The following SPAG9 variants were observed in gnomAD, a reference collection of about 807,000 sequenced individuals.
SPAG9 encodes the protein C-Jun-amino-terminal kinase-interacting protein 4.
Under a neutral mutation model 166.5 loss-of-function variants are expected in SPAG9, and 35 were observed. The observed-to-expected ratio is 0.21, with a 90% CI of 0.16 to 0.28. SPAG9 has a LOEUF of 0.28. Among genes scored for constraint, SPAG9 ranks in the 10% least tolerant of loss-of-function variants. The pLI is 1.00. For missense variants in SPAG9, 1,235 were observed against 1,603.3 expected, an observed-to-expected ratio of 0.77 and a Z score of 3.92; for synonymous variants, 534 against 565.5, an observed-to-expected ratio of 0.94 and a Z score of 0.79.
At chr17:51,007,139 GCA>G (rs2045259927) in intron 10 of SPAG9, 128 bp downstream of exon 10, 4 of 523,376 alleles carry the variant, frequency 7.6e-6, no homozygotes, top group East Asian at 3.3e-5. Context: ...GTGTGTGTGT[GCA>G]CACTCAGAGT....
chr17:51,094,435 G>A (rs2048556523), intron 1 of SPAG9, among the ~76,000 whole-genome samples: 1 of 152,146 alleles, frequency 6.6e-6, no homozygotes, highest in Non-Finnish European at 1.5e-5. Flanking sequence ...AACCAGAATA[G>A]TATGCTATTT....
intron 8 of SPAG9, among the ~76,000 whole-genome samples, chr17:51,017,534 G>A: frequency 6.6e-6 from 1 of 152,016 alleles, no homozygotes; most frequent in South Asian, 2.1e-4. Flanking sequence ...GAGAGAGAGA[G>A]AGAGAGAGAG....
chr17:50,967,111 C>G (rs944070734), intron 29 of SPAG9, among the ~76,000 whole-genome samples: 1 of 152,200 alleles, frequency 6.6e-6, no homozygotes, highest in African/African-American at 2.4e-5. Context: ...AAGGCCCAGT[C>G]TGGGGTACAC....
chr17:51,072,729 T>C lies in SPAG9; in HGVS notation c.424+6855A>G, dbSNP rs553599642. ...TCACATTAAGATTAGATAGCCCAGATCATCTGTTTTCTATTATACAAAACA... is the reference window on the plus strand; with the variant it reads ...TCACATTAAGATTAGATAGCCCAGACCATCTGTTTTCTATTATACAAAACA... On this transcript the variant is annotated intron_variant, in intron 2 of 29. Coordinates refer to ENST00000262013, the MANE Select transcript of SPAG9 (RefSeq NM_001130528.3). Among the ~76,000 whole-genome samples the C allele has an allele frequency of 1.7e-3, 258 of 152,202 alleles. 2 individuals carry two copies. The highest frequency in any genetic ancestry group is 3.1e-4 in the Non-Finnish European group (21 of 68,018).
At chr17:50,987,004 T>C (rs1171356930) in intron 22 of SPAG9, 108 bp downstream of exon 22, 4 of 1,090,130 alleles carry the variant, frequency 3.7e-6, no homozygotes, top group Non-Finnish European at 5.3e-6. Flanking sequence ...TAAAATTCTT[T>C]GCATTAATCC....
At chr17:51,027,568 A>G (rs1376925131) in intron 6 of SPAG9, among the ~76,000 whole-genome samples, 1 of 152,230 alleles carries the variant, frequency 6.6e-6, no homozygotes, top group African/African-American at 2.4e-5. Flanking sequence ...GACAGCATAC[A>G]GCATATATAG....
At chr17:51,024,366 TTATAA>T (rs2046069391) in intron 6 of SPAG9, among the ~76,000 whole-genome samples, 1 of 152,198 alleles carries the variant, frequency 6.6e-6, no homozygotes, top group African/African-American at 2.4e-5. Context: ...TACATATTAA[TTATAA>T]TATATTGTAC....
intron 10 of SPAG9, 40 bp from the exon 11 acceptor site, chr17:51,006,277 T>C (rs1171948065): frequency 1.9e-6 from 3 of 1,589,036 alleles, no homozygotes; most frequent in Non-Finnish European, 2.6e-6. Flanking sequence ...TACAAATAAA[T>C]ATTCTTTCCA....
intron 2 of SPAG9, among the ~76,000 whole-genome samples, chr17:51,067,771 G>T (rs2047714721): frequency 6.6e-6 from 1 of 151,538 alleles, no homozygotes; most frequent in Admixed American, 6.6e-5. Flanking sequence ...CAAGAAAAAA[G>T]AACAATCAAA....
At chr17:51,065,078 G>A (rs1384169071) in intron 2 of SPAG9, among the ~76,000 whole-genome samples, 3 of 152,140 alleles carry the variant, frequency 2.0e-5, no homozygotes, top group East Asian at 3.9e-4. Flanking sequence ...AGTTGAGATC[G>A]CACCATTGCA....
chr17:51,119,999 T>C (rs1162818115), intron 1 of SPAG9, among the ~76,000 whole-genome samples: 1 of 152,174 alleles, frequency 6.6e-6, no homozygotes, highest in Non-Finnish European at 1.5e-5. Context: ...TGAACCGCCA[T>C]CTGACTATCC....
intron 6 of SPAG9, among the ~76,000 whole-genome samples, chr17:51,022,659 T>TAATAAC (rs1223426882): frequency 6.6e-6 from 1 of 150,732 alleles, no homozygotes; most frequent in Non-Finnish European, 1.5e-5. Context: ...ATAATAATAA[T>TAATAAC]AACAATAGGC....
At position 50,993,804 on chromosome 17, in the gene SPAG9, A is replaced by T. The variant is rs747232166; in HGVS notation, c.2358T>A (p.Thr786=). Reference sequence around the variant, plus strand: ...TGCACAGAACATGAGAGTTGCAAACAGTGAAACTGTCTAGGATGTTGCCAG... The same window carrying T: ...TGCACAGAACATGAGAGTTGCAAACTGTGAAACTGTCTAGGATGTTGCCAG... The part of the protein sequence containing the change: ...VQPGNILDSF[T]VCNSHVLCIA... Residue 786 remains threonine (T), a synonymous_variant, in exon 19 of 30, where the codon ACT becomes ACA. Transcript: ENST00000262013. 2 of 1,614,196 alleles carry T rather than the reference A, an allele frequency of 1.2e-6. No homozygotes were observed. The highest frequency in any genetic ancestry group is 2.2e-5 in the East Asian group (1 of 44,884).
At chr17:51,035,490 T>C (rs931989913) in intron 5 of SPAG9, among the ~76,000 whole-genome samples, 1 of 152,204 alleles carries the variant, frequency 6.6e-6, no homozygotes, top group Non-Finnish European at 1.5e-5. Flanking sequence ...ACTATAGAGA[T>C]TAAAGCTTGT....
intron 8 of SPAG9, among the ~76,000 whole-genome samples, chr17:51,016,733 C>T (rs1015998177): frequency 1.3e-5 from 2 of 152,062 alleles, no homozygotes; most frequent in African/African-American, 2.4e-5. Context: ...GGTGAAACCC[C>T]GTCTCTACTA....
At chr17:51,103,653 C>T (rs1029931032) in intron 1 of SPAG9, among the ~76,000 whole-genome samples, 9 of 152,066 alleles carry the variant, frequency 5.9e-5, no homozygotes, top group Non-Finnish European at 1.0e-4. Context: ...TGGCCAGGCA[C>T]GGTGCCTCAC....
chr17:51,117,053 C>T lies in SPAG9; in HGVS notation c.303+3301G>A, dbSNP rs547782954. 9.9e-5 allele frequency among the ~76,000 whole-genome samples: 15 copies of T among 152,218 alleles called. 1 individual carries two copies. The highest frequency in any genetic ancestry group is 7.2e-4 in the Admixed American group (11 of 15,270). On this transcript the variant is annotated intron_variant, in intron 1 of 29. Transcript: ENST00000262013. The stretch of plus-strand genomic sequence containing the variant: ...TCTTGATTAGCATCTGAAACCGGTC[C>T]AAATCTATCTAAAATTAGCCCTTCT...
At chr17:51,071,664 T>C (rs1008020956) in intron 2 of SPAG9, among the ~76,000 whole-genome samples, 3 of 152,234 alleles carry the variant, frequency 2.0e-5, no homozygotes, top group African/African-American at 4.8e-5. Context: ...TTCCATACTA[T>C]CAAAAGCTGT....
intron 6 of SPAG9, among the ~76,000 whole-genome samples, chr17:51,023,049 C>T (rs868135027): frequency 1.5e-4 from 23 of 149,068 alleles, no homozygotes; most frequent in Middle Eastern, 3.6e-3. Context: ...TGTATTCTTT[C>T]TAAACCTTTG....
Sources: allele counts gnomAD v4.1 joint callset (sites outside exome capture counted in the v4.1 genomes callset), GRCh38; gene constraint gnomAD v4.1.1; transcripts MANE v1.5; gene names NCBI Gene and HGNC (gene_info 2026-07-23, HGNC 2026-07-21).